TTC39B: variants seen among roughly 807,000 people sequenced by gnomAD.
The protein encoded by TTC39B is tetratricopeptide repeat domain 39B, also known as tetratricopeptide repeat protein 39B.
A neutral mutation model predicts 96.6 loss-of-function variants in TTC39B; 92 were observed. That is an observed-to-expected ratio of 0.95 (90% CI 0.80 to 1.13). The LOEUF is 1.13. TTC39B is among the 50% of genes most tolerant of loss of function. The pLI is 0.00. For synonymous variants in TTC39B, 367 were observed against 299.4 expected (o/e 1.23, Z -2.33); for missense variants, 955 against 809.3 (o/e 1.18, Z -2.18).
chr9:15,197,026 T>A (rs1205620695), intron 8 of TTC39B, among the ~76,000 whole-genome samples: 1 of 152,176 alleles, frequency 6.6e-6, no homozygotes, highest in East Asian at 1.9e-4. Context: ...TAGCATTTTT[T>A]AGCAAAAAAG....
intron 1 of TTC39B, among the ~76,000 whole-genome samples, chr9:15,269,558 A>G (rs1823258981): frequency 6.6e-6 from 1 of 152,190 alleles, no homozygotes; most frequent in Non-Finnish European, 1.5e-5. Flanking sequence ...TGTAAATACT[A>G]AAAAGAAGAA....
rs563728905 is a variant in TTC39B at position 15,306,359 on chromosome 9, G to A, written c.240+725C>T. Among the ~76,000 whole-genome samples, 2 of 152,308 alleles carry A rather than the reference G, an allele frequency of 1.3e-5. No homozygotes were observed. Among genetic ancestry groups the A allele is most frequent in the East Asian group, 3.9e-4 (2 of 5,160 alleles). ...CCGGGCGCGCCACGACTGAAGGAGT[G>A]GCTAATTACTCAAACACAGTTGAAA... On this transcript the variant is annotated intron_variant, in intron 1 of 19. Coordinates refer to ENST00000512701, the Ensembl canonical transcript of TTC39B. This position sits in a 1 kb window ranked among gnomAD's most constrained non-coding sequence, Gnocchi z 5.1.
chr9:15,232,351 G>A (rs553876815), intron 2 of TTC39B: 1 of 152,656 alleles, frequency 6.6e-6, no homozygotes, highest in South Asian at 2.1e-4. Flanking sequence ...CCCTAGAAGA[G>A]GTGGAAACGG....
At chr9:15,243,926 T>A (rs558548845) in intron 2 of TTC39B, among the ~76,000 whole-genome samples, 15 of 152,194 alleles carry the variant, frequency 9.9e-5, no homozygotes, top group Admixed American at 7.2e-4. Context: ...TAAAAAAAAA[T>A]TTTAGAAAGA....
At chr9:15,172,085 C>T (rs1817691544) in exon 20 of TTC39B, 1 of 1,612,310 alleles carries the variant, frequency 6.2e-7, no homozygotes, top group Admixed American at 1.7e-5. Context: ...GTCTGGACTC[C>T]AGGGAGTAAT....
chr9:15,179,028 T>C (rs1026333724), intron 17 of TTC39B, among the ~76,000 whole-genome samples: 1 of 152,234 alleles, frequency 6.6e-6, no homozygotes, highest in Non-Finnish European at 1.5e-5. Flanking sequence ...AACTTCTAAC[T>C]GCTTGAGGAA....
At chr9:15,299,507 C>G (rs16932968) in intron 1 of TTC39B, among the ~76,000 whole-genome samples, 24,955 of 152,010 alleles carry the variant, frequency 0.16, 3,791 homozygotes, top group African/African-American at 0.41. Flanking sequence ...CATCAGGAGG[C>G]AGCACAGATC....
chr9:15,276,404 C>T (rs754770183), intron 1 of TTC39B, among the ~76,000 whole-genome samples: 5 of 152,154 alleles, frequency 3.3e-5, no homozygotes, highest in Non-Finnish European at 7.4e-5. Flanking sequence ...AGCACCCACC[C>T]TAGGAAGCTG....
intron 2 of TTC39B, among the ~76,000 whole-genome samples, chr9:15,240,912 T>C (rs1276410246): frequency 6.6e-6 from 1 of 152,230 alleles, no homozygotes; most frequent in African/African-American, 2.4e-5. Context: ...CCTGAACTGC[T>C]TTCAAACTTA....
chr9:15,250,086 G>A, intron 2 of TTC39B: 2 of 1,276,434 alleles, frequency 1.6e-6, no homozygotes, highest in Non-Finnish European at 2.0e-6. Flanking sequence ...GGTCTCCAGT[G>A]AGACTCTCAA....
chr9:15,235,010 A>G (rs1821704502), intron 2 of TTC39B, among the ~76,000 whole-genome samples: 1 of 86,274 alleles, frequency 1.2e-5, no homozygotes, highest in South Asian at 3.6e-4. Context: ...TGTGAGAAAC[A>G]CCCAAGAATG....
Position 15,189,884 on chromosome 9 carries a change from C to T in TTC39B, c.1106-92G>A, listed in dbSNP as rs868160948. 6.0e-5 allele frequency: 48 copies of T among 793,824 alleles called. No individual in the cohort carries two copies. In the African/African-American group the frequency reaches 7.7e-4, roughly 13 times the overall value. The allele number at this position is 793,824 out of a possible 1,614,324, so 49.2% of individuals were successfully genotyped here. ...AATTTCATTAACATACAGTAAAGAC[C>T]TACTCATGGAAAAGATGAAAACTAT... On this transcript the variant is annotated intron_variant, in intron 11 of 19. Transcript: ENST00000512701.
intron 2 of TTC39B, among the ~76,000 whole-genome samples, chr9:15,235,240 C>G (rs1821723837): frequency 1.3e-5 from 2 of 151,870 alleles, no homozygotes; most frequent in Non-Finnish European, 2.9e-5. Context: ...ACCCATCTTT[C>G]AAATTAACCC....
At chr9:15,299,349 C>G (rs573150945) in intron 1 of TTC39B, among the ~76,000 whole-genome samples, 2 of 152,178 alleles carry the variant, frequency 1.3e-5, no homozygotes, top group Non-Finnish European at 2.9e-5. Flanking sequence ...TTACTACACA[C>G]CTAGTCTTTA....
chr9:15,274,390 C>G (rs966174472), intron 1 of TTC39B, among the ~76,000 whole-genome samples: 1 of 152,228 alleles, frequency 6.6e-6, no homozygotes, highest in African/African-American at 2.4e-5. Flanking sequence ...CGCATCTTAT[C>G]TGCAGTGCCA....
chr9:15,289,164 G>A (rs544616729), intron 1 of TTC39B, among the ~76,000 whole-genome samples: 1 of 152,240 alleles, frequency 6.6e-6, no homozygotes, highest in African/African-American at 2.4e-5. Flanking sequence ...GCTTCAGCCA[G>A]TCCTCCAAAA....
intron 1 of TTC39B, among the ~76,000 whole-genome samples, chr9:15,302,288 T>C (rs1031099478): frequency 1.3e-5 from 2 of 150,302 alleles, no homozygotes; most frequent in African/African-American, 4.9e-5. Context: ...ATCATGCCAC[T>C]GCACTCCAGC....
chr9:15,198,844 A>G (rs1819344029), intron 8 of TTC39B, among the ~76,000 whole-genome samples: 1 of 152,184 alleles, frequency 6.6e-6, no homozygotes, highest in Non-Finnish European at 1.5e-5. Context: ...GGTTTAAAGT[A>G]AAAGAATATA....
chr9:15,195,580 G>C (rs1412474549), intron 8 of TTC39B, among the ~76,000 whole-genome samples: 4 of 144,124 alleles, frequency 2.8e-5, no homozygotes, highest in Non-Finnish European at 6.0e-5. Context: ...TGAGGCAGGA[G>C]AATCACTTGA....
Sources: gnomAD v4.1 joint callset for allele counts (sites outside exome capture counted in the v4.1 genomes callset) on GRCh38, gnomAD v4.1.1 for gene constraint, Gnocchi (gnomAD v3.1) non-coding constraint, MANE v1.5 for transcripts, NCBI Gene and HGNC (gene_info 2026-07-23, HGNC 2026-07-21) for gene names.